The following COQ8A variants were observed in gnomAD, a reference collection of about 807,000 sequenced individuals.
COQ8A encodes coenzyme Q8A, also known as atypical kinase COQ8A, mitochondrial.
In COQ8A, 51 loss-of-function variants were observed where a neutral mutation model predicts 65.0. The observed-to-expected ratio is 0.78, with a 90% CI of 0.63 to 0.99. The LOEUF is 0.99. COQ8A is among the 50% of genes least tolerant of loss of function. The probability of loss-of-function intolerance (pLI) is 0.00; values close to 1 mark genes in which losing one functional copy is unlikely to be tolerated. For missense variants in COQ8A, 940 were observed against 875.0 expected, an observed-to-expected ratio of 1.07 and a Z score of -0.94; for synonymous variants, 371 against 353.2, an observed-to-expected ratio of 1.05 and a Z score of -0.57.
In COQ8A at chr1:226,978,617, ACCTTACACTCCACACACCCGCCCACCT is replaced by A. The variant is rs1203395742; in HGVS notation, c.730+1101_730+1127del. Among the ~76,000 whole-genome samples the A allele has an allele frequency of 1.3e-4, 8 of 60,638 alleles. 2 individuals are homozygous for A. The highest frequency in any genetic ancestry group is 7.2e-4 in the East Asian group (2 of 2,796). The allele number at this position is 60,638 out of a possible 152,430, so 39.8% of individuals were successfully genotyped here. A position where few individuals can be genotyped will look rare whatever the true frequency, so the allele number is the denominator to read the frequency against. ...CACTCTACCCTCTACACACCCGCCC[ACCTTACACTCCACACACCCGCCCACCT>A]CCTTACCCTCCACACACCTGCCCAC... is the stretch of plus-strand genomic sequence containing the variant. On this transcript the variant is annotated intron_variant, in intron 5 of 14. Coordinates refer to ENST00000366777, the MANE Select transcript of COQ8A (RefSeq NM_020247.5).
chr1:226,960,980 G>A (rs1220731685), intron 1 of COQ8A, among the ~76,000 whole-genome samples: 1 of 152,132 alleles, frequency 6.6e-6, no homozygotes, highest in Non-Finnish European at 1.5e-5. Context: ...TCTCCCAACA[G>A]GCAGTTTTGG....
intron 1 of COQ8A, among the ~76,000 whole-genome samples, chr1:226,942,681 A>G (rs924752370): frequency 6.6e-6 from 1 of 152,170 alleles, no homozygotes; most frequent in African/African-American, 2.4e-5. Flanking sequence ...GGCTGGGTGC[A>G]TTTCAAACAT....
At chr1:226,947,444 T>G (rs901269380) in intron 1 of COQ8A, among the ~76,000 whole-genome samples, 25 of 152,228 alleles carry the variant, frequency 1.6e-4, no homozygotes, top group African/African-American at 5.8e-4. Context: ...AAATGGTAGC[T>G]GTTCTTGTTA....
At chr1:226,960,351 G>GTACT (rs1658118503) in intron 1 of COQ8A, among the ~76,000 whole-genome samples, 10 of 13,092 alleles carry the variant, frequency 7.6e-4, no homozygotes, top group Admixed American at 7.8e-4. Context: ...GGTGGTGGTG[G>GTACT]TGGTGGTGCT....
rs555280434 is a variant in COQ8A, at chr1:226,956,420, C to G, written c.-9-4957C>G. 2.2e-5 allele frequency among the ~76,000 whole-genome samples: 3 copies of G among 136,910 alleles called. No individual in the cohort carries two copies. The South Asian group carries it at 7.3e-4, about 33-fold the overall frequency. The allele number at this position is 136,910 out of a possible 152,430, so 89.8% of individuals were successfully genotyped here. On this transcript the variant is annotated intron_variant, in intron 1 of 14. Transcript: ENST00000366777. ...CCCATTCTCCCTGGTTCCCGCTCTC[C>G]CTGATTCACACTCTCCCTGGCTGCC...
chr1:226,960,187 C>T (rs1658074446), intron 1 of COQ8A, among the ~76,000 whole-genome samples: 1 of 77,430 alleles, frequency 1.3e-5, no homozygotes, highest in Non-Finnish European at 2.5e-5. Flanking sequence ...GGTGATGGTA[C>T]TTGTGGTGGT....
intron 12 of COQ8A, 32 bp from the exon 13 acceptor site, chr1:226,984,844 G>A (rs1243598383): frequency 1.4e-5 from 22 of 1,612,888 alleles, no homozygotes; most frequent in Non-Finnish European, 1.8e-5. Context: ...GGAGCACCAG[G>A]GCCAAACTTC....
chr1:226,960,237 G>T (rs111205899), intron 1 of COQ8A, among the ~76,000 whole-genome samples: 31,448 of 140,622 alleles, frequency 0.22, 3,649 homozygotes, highest in African/African-American at 0.27. Flanking sequence ...GTACTTGGTG[G>T]TGGTGGTCCT....
chr1:226,965,964 G>A (rs950036545), intron 4 of COQ8A, among the ~76,000 whole-genome samples: 2 of 152,264 alleles, frequency 1.3e-5, no homozygotes, highest in African/African-American at 2.4e-5. Flanking sequence ...GTTGGTACAG[G>A]GCCGATGCTG....
At chr1:226,983,083 C>T in intron 8 of COQ8A, 49 bp downstream of exon 8, 3 of 1,548,986 alleles carry the variant, frequency 1.9e-6, no homozygotes, top group East Asian at 4.8e-5. Context: ...CTGCAAGGGG[C>T]AGAGCTGGGG....
chr1:226,984,990 G>T, intron 13 of COQ8A, 49 bp downstream of exon 13: 1 of 1,604,652 alleles, frequency 6.2e-7, no homozygotes, highest in African/African-American at 1.3e-5. Flanking sequence ...CTGAGGCTGG[G>T]ACAGGATGCT....
chr1:226,976,586 G>A (rs960287138), intron 4 of COQ8A, among the ~76,000 whole-genome samples: 16 of 152,174 alleles, frequency 1.1e-4, no homozygotes, highest in African/African-American at 3.4e-4. Context: ...ATGCCTACCC[G>A]GAAAGCCAGC....
chr1:226,943,707 A>G (rs1269938711), intron 1 of COQ8A, among the ~76,000 whole-genome samples: 4 of 152,178 alleles, frequency 2.6e-5, no homozygotes, highest in Non-Finnish European at 5.9e-5. Flanking sequence ...CCTGTTTGAT[A>G]TAATTTGCAT....
At chr1:226,970,243 G>T (rs34556998) in intron 4 of COQ8A, among the ~76,000 whole-genome samples, 1 of 152,112 alleles carries the variant, frequency 6.6e-6, no homozygotes, top group Non-Finnish European at 1.5e-5. Context: ...ATGAGCCACC[G>T]CACCTGGCCC....
chr1:226,980,367 C>T (rs1659612892), intron 5 of COQ8A, among the ~76,000 whole-genome samples: 1 of 152,262 alleles, frequency 6.6e-6, no homozygotes, highest in South Asian at 2.1e-4. Context: ...GTTCCCATCT[C>T]TCAGGAGTGC....
At chr1:226,953,943 G>T (rs1259232434) in intron 1 of COQ8A, among the ~76,000 whole-genome samples, 1 of 152,192 alleles carries the variant, frequency 6.6e-6, no homozygotes, top group African/African-American at 2.4e-5. Flanking sequence ...ACAGTCAATT[G>T]TTTTCTTTTT....
intron 4 of COQ8A, among the ~76,000 whole-genome samples, chr1:226,969,524 C>T (rs543382938): frequency 5.8e-4 from 88 of 152,320 alleles, no homozygotes; most frequent in Non-Finnish European, 9.7e-4. Flanking sequence ...GCGTGAGCCA[C>T]CGCGCCCGGC....
rs571967614 is a variant in COQ8A, at chr1:226,977,517, C to T, written c.724C>T (p.Pro242Ser). The change falls in exon 5 of 15, where the codon CCC becomes TCC. Residue 242 changes from proline to serine, a missense_variant. Physicochemically the swap from Pro to Ser is moderately conservative, Grantham distance 74. Coordinates refer to ENST00000366777, the MANE Select transcript of COQ8A (RefSeq NM_020247.5). The stretch of plus-strand genomic sequence containing the variant: ...CAAGAAGAGCCTGCGCTCCGAGGAC[C>T]CCTCAGGTGAGCCGGGCCCTTCAGT... ...VAKKSLRSEDPSGKKAVLGSS... is the reference protein window; with the variant it reads ...VAKKSLRSEDSSGKKAVLGSS... 6.4e-6 allele frequency: 10 copies of T among 1,560,094 alleles called. No homozygotes were observed. The South Asian group carries it at 1.1e-4, about 17-fold the overall frequency.
In COQ8A at chr1:226,946,954, C is replaced by G. The variant is rs1000952439; in HGVS notation, c.-10+6555C>G. On this transcript the variant is annotated intron_variant, in intron 1 of 14. Coordinates refer to ENST00000366777, the MANE Select transcript of COQ8A (RefSeq NM_020247.5). This position sits in a 1 kb window ranked among gnomAD's most constrained non-coding sequence, Gnocchi z 5.3. ...ATTTATGTTTAAGATCAAACTGGCT[C>G]TGGAACCAAGCTTTGCCTCTAGTGG... 1.3e-5 allele frequency among the ~76,000 whole-genome samples: 2 copies of G among 152,194 alleles called. No individual in the cohort carries two copies. The highest frequency in any genetic ancestry group is 4.8e-5 in the African/African-American group (2 of 41,458).
Sources: gnomAD v4.1 joint callset for allele counts (sites outside exome capture counted in the v4.1 genomes callset) on GRCh38, gnomAD v4.1.1 for gene constraint, Gnocchi (gnomAD v3.1) non-coding constraint, MANE v1.5 for transcripts, NCBI Gene and HGNC (gene_info 2026-07-23, HGNC 2026-07-21) for gene names.